AGO1: variants seen among roughly 807,000 people sequenced by gnomAD.
AGO1 encodes the protein argonaute RISC component 1, also known as protein argonaute-1.
A neutral mutation model predicts 109.2 loss-of-function variants in AGO1; 11 were observed. The observed-to-expected ratio is 0.10, with a 90% CI of 0.06 to 0.17. AGO1 has a LOEUF of 0.17. Ranked by LOEUF, AGO1 falls within the 10% of genes least tolerant of loss-of-function variation. AGO1 has a pLI of 1.00. For synonymous variants in AGO1, 422 were observed against 418.6 expected (o/e 1.01, Z -0.10); for missense variants, 574 against 1,140.3 (o/e 0.50, Z 7.15).
At chr1:35,881,062 G>A (rs1645031058), upstream of AGO1, among the ~76,000 whole-genome samples, 1 of 152,210 alleles carries the variant, frequency 6.6e-6, no homozygotes, top group South Asian at 2.1e-4. Context: ...TTGAGACACG[G>A]AGAAGTTAAA....
At position 35,883,501 on chromosome 1, in the gene AGO1, C is replaced by T; in HGVS notation, c.25+55C>T. 6.7e-7 allele frequency: 1 copy of T among 1,486,604 alleles called. No individual in the cohort carries two copies. Among genetic ancestry groups the T allele is most frequent in the Non-Finnish European group, 8.9e-7 (1 of 1,121,292 alleles). 92.1% of individuals were successfully genotyped at this position (1,486,604 alleles called of 1,614,324 possible). On this transcript the variant is annotated intron_variant, in intron 1 of 18. Coordinates refer to ENST00000373204, the MANE Select transcript of AGO1 (RefSeq NM_012199.5). The surrounding 1 kb of genome is among the most constrained non-coding windows in gnomAD (Gnocchi z 5.4). ...ATGCTCCAAGGACTGGGGGATCCCG[C>T]ATGAAAAGCGTGGTTTCCAAGTGAT...
At chr1:35,914,532 T>C (rs595055) in intron 14 of AGO1, among the ~76,000 whole-genome samples, 51,836 of 152,126 alleles carry the variant, frequency 0.34, 13,403 homozygotes, top group East Asian at 0.79. Flanking sequence ...TTGAATGTCT[T>C]TCTTTCCCCA....
chr1:35,879,731 T>C (rs1645020016), upstream of AGO1, among the ~76,000 whole-genome samples: 2 of 42,156 alleles, frequency 4.7e-5, no homozygotes, highest in Non-Finnish European at 6.6e-5. Flanking sequence ...TGAGGTTCTG[T>C]CTCAAAAAAA....
At chr1:35,885,515 T>A (rs1482204963) in intron 1 of AGO1, among the ~76,000 whole-genome samples, 1 of 152,226 alleles carries the variant, frequency 6.6e-6, no homozygotes, top group Non-Finnish European at 1.5e-5. Flanking sequence ...AGGGACCCCA[T>A]AACTGCCTCC....
At chr1:35,914,066 G>T (rs1432025943) in intron 13 of AGO1, 65 bp downstream of exon 13, 31 of 1,605,518 alleles carry the variant, frequency 1.9e-5, no homozygotes, top group Non-Finnish European at 2.6e-5. Flanking sequence ...GAAGAGATAG[G>T]ACCCTGGCCA....
intron 12 of AGO1, 91 bp downstream of exon 12, chr1:35,907,210 T>A: frequency 7.8e-7 from 1 of 1,282,252 alleles, no homozygotes; most frequent in South Asian, 1.7e-5. Context: ...GTCTGGATTC[T>A]TGGCTTTGAC....
intron 1 of AGO1, among the ~76,000 whole-genome samples, chr1:35,876,301 CTG>C (rs1264741764): frequency 6.7e-6 from 1 of 150,090 alleles, no homozygotes; most frequent in Non-Finnish European, 1.5e-5. Context: ...GAGTCTCACT[CTG>C]TTGCCCAGCC....
intron 2 of AGO1, among the ~76,000 whole-genome samples, chr1:35,891,892 T>G (rs183090859): frequency 1.1e-3 from 164 of 152,104 alleles, no homozygotes; most frequent in Middle Eastern, 3.4e-3. Flanking sequence ...TTTGTTTTTT[T>G]TTTGAGACAG....
rs577038274 is a variant in AGO1 at position 35,904,308 on chromosome 1, T to A, written c.1397+1971T>A. ...TTTTAGTAGAGATGGGGTTTCACCA[T>A]GTTAACCAGGATGGTCTCGATCTCC... On this transcript the variant is annotated intron_variant, in intron 11 of 18. Transcript: ENST00000373204. Among the ~76,000 whole-genome samples, 360 of 152,080 alleles carry A rather than the reference T, an allele frequency of 2.4e-3. 5 individuals are homozygous for A. The highest frequency in any genetic ancestry group is 2.2e-3 in the Non-Finnish European group (148 of 67,980).
At chr1:35,895,554 T>A (rs975148566) in intron 8 of AGO1, among the ~76,000 whole-genome samples, 3 of 152,216 alleles carry the variant, frequency 2.0e-5, no homozygotes, top group Non-Finnish European at 4.4e-5. Flanking sequence ...CCCACACTCA[T>A]GTTCTCTTAA....
chr1:35,878,536 G>A (rs1336906134), upstream of AGO1, among the ~76,000 whole-genome samples: 6 of 152,056 alleles, frequency 3.9e-5, no homozygotes, highest in East Asian at 1.9e-4. Context: ...TTGAATTTCT[G>A]GGGCACACTA....
intron 1 of AGO1, among the ~76,000 whole-genome samples, chr1:35,875,633 T>G (rs1229833660): frequency 2.0e-5 from 3 of 152,112 alleles, no homozygotes; most frequent in African/African-American, 7.2e-5. Flanking sequence ...AGGCTGGTCT[T>G]GAACTCCTGA....
intron 13 of AGO1, 75 bp downstream of exon 13, chr1:35,914,076 AG>A: frequency 6.2e-7 from 1 of 1,602,102 alleles, no homozygotes; most frequent in Non-Finnish European, 8.5e-7. Flanking sequence ...GACCCTGGCC[AG>A]GCAGACTGAA....
Position 35,898,946 on chromosome 1 carries a change from T to A in AGO1, c.1021-2528T>A, listed in dbSNP as rs373492694. Among the ~76,000 whole-genome samples the A allele has an allele frequency of 1.1e-4, 17 of 152,390 alleles. No homozygotes were observed. In the East Asian group the frequency reaches 1.5e-3, roughly 14 times the overall value. ...TTAACCATTTTTAAGTATACAGTTCTGTGGCATTAAATACATTCATGCAGT... is the reference window on the plus strand; with the variant it reads ...TTAACCATTTTTAAGTATACAGTTCAGTGGCATTAAATACATTCATGCAGT... On this transcript the variant is annotated intron_variant, in intron 8 of 18. Coordinates refer to ENST00000373204, the MANE Select transcript of AGO1 (RefSeq NM_012199.5).
Position 35,930,474 on chromosome 1 carries a change from A to C in AGO1, c.*10867A>C, listed in dbSNP as rs993290863. On this transcript the variant is annotated 3_prime_UTR_variant, in exon 19 of 19. Transcript: ENST00000373204. ...TTTACGCCGTGCGTTTTCACCCTGG[A>C]AAGGAGTTTGGGTTTTCAAGTGTGA... is the stretch of plus-strand genomic sequence containing the variant. 1 of 152,226 alleles carries C rather than the reference A, an allele frequency of 6.6e-6. No individual in the cohort carries two copies. The highest frequency in any genetic ancestry group is 2.4e-5 in the African/African-American group (1 of 41,442). 9.4% of individuals were successfully genotyped at this position (152,226 alleles called of 1,614,324 possible).
At chr1:35,892,445 G>C in intron 2 of AGO1, 112 bp from the exon 3 acceptor site, 1 of 1,357,258 alleles carries the variant, frequency 7.4e-7, no homozygotes. Context: ...TCATAGAGTA[G>C]ATGTTAGGAG....
rs1255367362 is a variant in AGO1 at position 35,929,400 on chromosome 1, C to T, written c.*9793C>T. ...CCATCAATGTTGAAAAAGACTAGCC[C>T]ACCCCAAAGGTTTATCACTGTCACC... On this transcript the variant is annotated 3_prime_UTR_variant, in exon 19 of 19. Transcript: ENST00000373204. The T allele has an allele frequency of 6.6e-6, 1 of 152,164 alleles. No homozygotes were observed. The highest frequency in any genetic ancestry group is 1.5e-5 in the Non-Finnish European group (1 of 68,030). The allele number at this position is 152,164 out of a possible 1,614,324, so 9.4% of individuals were successfully genotyped here.
intron 7 of AGO1, 105 bp downstream of exon 7, chr1:35,894,507 T>G: frequency 8.8e-7 from 1 of 1,138,938 alleles, no homozygotes; most frequent in Non-Finnish European, 1.3e-6. Context: ...AGAATGAGCC[T>G]TGGGGACTGG....
In AGO1 at chr1:35,888,434, C is replaced by T. The variant is rs140869088; in HGVS notation, c.33C>T (p.Gly11=). Residue 11 remains glycine (G), a synonymous_variant, in exon 2 of 19, where the codon GGC becomes GGT. Transcript: ENST00000373204. This position sits in a 1 kb window ranked among gnomAD's most constrained non-coding sequence, Gnocchi z 4.1. ...AGCCTCTTTGTCTTGTAGCTGCGGG[C>T]GCTTACCTGCCCCCCCTGCAGCAGG... is the stretch of plus-strand genomic sequence containing the variant. MEAGPSGAAA[G]AYLPPLQQVF... 2.8e-5 allele frequency: 45 copies of T among 1,613,952 alleles called. No individual in the cohort carries two copies. The highest frequency in any genetic ancestry group is 3.3e-4 in the Middle Eastern group (2 of 6,054).
Sources: gnomAD v4.1 joint callset for allele counts (sites outside exome capture counted in the v4.1 genomes callset) on GRCh38, gnomAD v4.1.1 for gene constraint, Gnocchi (gnomAD v3.1) non-coding constraint, MANE v1.5 for transcripts, NCBI Gene and HGNC (gene_info 2026-07-23, HGNC 2026-07-21) for gene names.